PDE1A: variants seen among roughly 807,000 people sequenced by gnomAD.
The protein encoded by PDE1A is phosphodiesterase 1A, also known as dual specificity calcium/calmodulin-dependent 3',5'-cyclic nucleotide phosphodiesterase 1A.
PDE1A carries 35 observed loss-of-function variants against 61.7 expected under a neutral mutation model. The ratio of observed to expected loss-of-function variants is 0.57; its 90% CI spans 0.43 to 0.75. The LOEUF (loss-of-function observed/expected upper bound fraction) is 0.75. Among genes scored for constraint, PDE1A ranks in the 30% least tolerant of loss-of-function variants. The pLI is 0.00. For missense variants in PDE1A, 597 were observed against 630.6 expected (o/e 0.95, Z 0.57); for synonymous variants, 232 against 213.2 (o/e 1.09, Z -0.77).
chr2:182,190,092 G>C (rs749035229), intron 10 of PDE1A, among the ~76,000 whole-genome samples: 27 of 152,174 alleles, frequency 1.8e-4, no homozygotes, highest in Non-Finnish European at 1.8e-4. Flanking sequence ...TCAACATGTA[G>C]CTTTACAACT....
intron 7 of PDE1A, among the ~76,000 whole-genome samples, chr2:182,212,229 A>G (rs932187829): frequency 7.4e-6 from 1 of 135,908 alleles, no homozygotes; most frequent in Non-Finnish European, 1.6e-5. Flanking sequence ...ATGTCTTGAA[A>G]CATATATATC....
chr2:182,616,636 A>T, the PDE1A span, among the ~76,000 whole-genome samples: 3 of 152,044 alleles, frequency 2.0e-5, no homozygotes, highest in African/African-American at 7.3e-5. Flanking sequence ...TCTTAGTCAG[A>T]CTCCCCAGGA....
chr2:182,455,019 C>T (rs370267087), intron 2 of PDE1A, among the ~76,000 whole-genome samples: 5,626 of 151,826 alleles, frequency 0.037, 129 homozygotes, highest in Middle Eastern at 0.075. Context: ...TGACAAAGGG[C>T]TAATATCCAG....
intron 7 of PDE1A, among the ~76,000 whole-genome samples, chr2:182,219,889 T>C (rs1368581628): frequency 6.6e-6 from 1 of 152,092 alleles, no homozygotes; most frequent in Non-Finnish European, 1.5e-5. Flanking sequence ...CTTATCATGT[T>C]ATATACCATA....
In PDE1A at chr2:182,273,891, T is replaced by C. The variant is rs1693216724; in HGVS notation, c.54-9477A>G. Among the ~76,000 whole-genome samples, 2 of 152,042 alleles carry C rather than the reference T, an allele frequency of 1.3e-5. 1 individual carries two copies. Among genetic ancestry groups the C allele is most frequent in the South Asian group, 4.1e-4 (2 of 4,826 alleles). On this transcript the variant is annotated intron_variant, in intron 1 of 13. Transcript: ENST00000351439. ...AAAATAACAAAGGAATGGTTAAAAG[T>C]GGTATATTAGACCAAACAAAATACC... is the stretch of plus-strand genomic sequence containing the variant.
chr2:182,576,990 T>G, the PDE1A span, among the ~76,000 whole-genome samples: 4 of 152,220 alleles, frequency 2.6e-5, no homozygotes, highest in Non-Finnish European at 5.9e-5. Context: ...ATTAACCATA[T>G]CAGATATACG....
chr2:182,206,174 T>TCTCACTGTTCAATTATA, intron 7 of PDE1A, 109 bp from the exon 8 acceptor site: 1 of 741,608 alleles, frequency 1.3e-6, no homozygotes, highest in Non-Finnish European at 2.1e-6. Flanking sequence ...ATCCTATAAT[T>TCTCACTGTTCAATTATA]GAACAGTGAG....
chr2:182,498,650 A>G (rs1296508624), intron 2 of PDE1A, among the ~76,000 whole-genome samples: 1 of 152,132 alleles, frequency 6.6e-6, no homozygotes, highest in African/African-American at 2.4e-5. Flanking sequence ...TCCCAGTATC[A>G]AAATTACCCT....
At chr2:182,385,138 C>G (rs929130316) in intron 1 of PDE1A, among the ~76,000 whole-genome samples, 4 of 152,146 alleles carry the variant, frequency 2.6e-5, no homozygotes, top group Non-Finnish European at 5.9e-5. Flanking sequence ...TCCATCTCCA[C>G]CAGGCCTGTC....
intron 1 of PDE1A, among the ~76,000 whole-genome samples, chr2:182,404,553 G>A (rs1702195872): frequency 1.3e-5 from 2 of 151,806 alleles, no homozygotes; most frequent in Non-Finnish European, 1.5e-5. Context: ...GTAATACTTG[G>A]CACAAACACA....
chr2:182,705,503 T>C, the PDE1A span, among the ~76,000 whole-genome samples: 2 of 151,604 alleles, frequency 1.3e-5, no homozygotes, highest in South Asian at 4.2e-4. Flanking sequence ...GAGGGCTAAG[T>C]CTTTTTTTTT....
At chr2:182,263,153 T>C (rs768273535) in intron 2 of PDE1A, among the ~76,000 whole-genome samples, 1 of 152,158 alleles carries the variant, frequency 6.6e-6, no homozygotes, top group African/African-American at 2.4e-5. Context: ...CTCACCTCCA[T>C]ATTCCCACTC....
intron 1 of PDE1A, among the ~76,000 whole-genome samples, chr2:182,324,966 G>T (rs972672638): frequency 4.6e-5 from 7 of 152,180 alleles, no homozygotes; most frequent in Admixed American, 6.6e-5. Flanking sequence ...GCTCAGAAAG[G>T]TTCAATGATT....
At chr2:182,451,378 CAA>C (rs1219608685) in intron 2 of PDE1A, among the ~76,000 whole-genome samples, 1 of 12,302 alleles carries the variant, frequency 8.1e-5, no homozygotes, top group Admixed American at 9.0e-4. Flanking sequence ...GACTCCGTCT[CAA>C]AAAAAAAAAA....
chr2:182,260,569 G>C (rs565234300), intron 2 of PDE1A, among the ~76,000 whole-genome samples: 20 of 152,282 alleles, frequency 1.3e-4, no homozygotes, highest in Admixed American at 5.9e-4. Flanking sequence ...ATTTGTAAGA[G>C]GTAATCTTAG....
chr2:182,686,930 T>C, the PDE1A span, among the ~76,000 whole-genome samples: 1 of 151,470 alleles, frequency 6.6e-6, no homozygotes, highest in Non-Finnish European at 1.5e-5. Flanking sequence ...CCTCGCTCAG[T>C]GCTAGCAAAG....
chr2:182,244,767 G>A (rs57936173), intron 2 of PDE1A, among the ~76,000 whole-genome samples: 22,438 of 151,886 alleles, frequency 0.15, 2,167 homozygotes, highest in East Asian at 0.31. Context: ...GTTCATTCTT[G>A]TATGAGAGAA....
At chr2:182,655,334 C>A in the PDE1A span, among the ~76,000 whole-genome samples, 1 of 152,158 alleles carries the variant, frequency 6.6e-6, no homozygotes, top group South Asian at 2.1e-4. Flanking sequence ...CCTAGCAGGG[C>A]ATTATGATGG....
Position 182,234,544 on chromosome 2 carries a change from A to G in PDE1A, c.351-46T>C, listed in dbSNP as rs754885787. The G allele has an allele frequency of 5.6e-6, 7 of 1,250,348 alleles. No individual in the cohort carries two copies. In the African/African-American group the frequency reaches 6.0e-5, roughly 11 times the overall value. 77.5% of individuals were successfully genotyped at this position (1,250,348 alleles called of 1,614,324 possible). On this transcript the variant is annotated intron_variant, in intron 3 of 13. Coordinates refer to ENST00000351439, the Ensembl canonical transcript of PDE1A. ...TGTAAATATAAAATTCATTTATTCAAAGTTTTCAACTATTTCTTAAATATC... is the reference window on the plus strand; with the variant it reads ...TGTAAATATAAAATTCATTTATTCAGAGTTTTCAACTATTTCTTAAATATC...
Sources: gnomAD v4.1 joint callset for allele counts (sites outside exome capture counted in the v4.1 genomes callset) on GRCh38, gnomAD v4.1.1 for gene constraint, MANE v1.5 for transcripts, NCBI Gene and HGNC (gene_info 2026-07-23, HGNC 2026-07-21) for gene names.